ELOVL5: variants seen among roughly 807,000 people sequenced by gnomAD.
ELOVL5 encodes the protein ELOVL fatty acid elongase 5, also known as very long chain fatty acid elongase 5.
Under a neutral mutation model 38.6 loss-of-function variants are expected in ELOVL5, and 8 were observed. The observed-to-expected ratio is 0.21, with a 90% CI of 0.12 to 0.37. The LOEUF (loss-of-function observed/expected upper bound fraction) is 0.37. ELOVL5 is among the 10% of genes least tolerant of loss of function. The probability of loss-of-function intolerance (pLI) is 1.00; values close to 1 mark genes in which losing one functional copy is unlikely to be tolerated. For synonymous variants in ELOVL5, 127 were observed against 133.7 expected (o/e 0.95, Z 0.34); for missense variants, 280 against 367.8 (o/e 0.76, Z 1.95).
At chr6:53,306,070 G>A (rs1326086444) in intron 1 of ELOVL5, among the ~76,000 whole-genome samples, 1 of 151,190 alleles carries the variant, frequency 6.6e-6, no homozygotes, top group Admixed American at 6.6e-5. Context: ...CAGGCGTGGC[G>A]GCGCGCGCCT....
chr6:53,334,841 T>A (rs1004710686), intron 1 of ELOVL5, among the ~76,000 whole-genome samples: 3 of 152,042 alleles, frequency 2.0e-5, no homozygotes, highest in African/African-American at 7.2e-5. Context: ...CAGGGTGGAC[T>A]CCTCCCTCTG....
intron 1 of ELOVL5, among the ~76,000 whole-genome samples, chr6:53,309,113 A>T (rs1034588668): frequency 6.6e-6 from 1 of 152,254 alleles, no homozygotes; most frequent in South Asian, 2.1e-4. Flanking sequence ...TCAGTAGAGG[A>T]GATCCATAAC....
At chr6:53,298,925 C>A in intron 1 of ELOVL5, among the ~76,000 whole-genome samples, 1 of 147,478 alleles carries the variant, frequency 6.8e-6, no homozygotes, top group South Asian at 2.1e-4. Context: ...GATAATATAT[C>A]AGGAGAGGAA....
At chr6:53,337,941 T>A (rs772728450) in intron 1 of ELOVL5, among the ~76,000 whole-genome samples, 1 of 152,224 alleles carries the variant, frequency 6.6e-6, no homozygotes, top group African/African-American at 2.4e-5. Context: ...AACACAAGCA[T>A]TGCTTCCAGC....
intron 6 of ELOVL5, among the ~76,000 whole-genome samples, chr6:53,272,498 T>C (rs1456905794): frequency 2.0e-5 from 3 of 152,196 alleles, no homozygotes; most frequent in African/African-American, 4.8e-5. Flanking sequence ...GTACTTAGTA[T>C]GAGTACCCAA....
Position 53,270,631 on chromosome 6 carries a change from T to C in ELOVL5, c.718A>G (p.Ile240Val), listed in dbSNP as rs763728017. ...TTTGTGAAGAGAGCAATCAGGGAAA[T>C]CATGTATCCAATCTGGAAATACAAC... is the stretch of plus-strand genomic sequence containing the variant. ...GWLYFQIGYM[I>V]SLIALFTNFY... Residue 240 changes from isoleucine to valine, a missense_variant, in exon 7 of 8, where the codon ATT (isoleucine) becomes GTT (valine). This residue lies in a region of ELOVL5 where 125 missense variants were observed against 158.9 expected (regional missense o/e 0.79). Coordinates refer to ENST00000304434, the MANE Select transcript of ELOVL5 (RefSeq NM_021814.5). 1.1e-5 allele frequency: 18 copies of C among 1,614,028 alleles called. No homozygotes were observed. The Admixed American group carries it at 3.0e-4, about 27-fold the overall frequency.
intron 1 of ELOVL5, among the ~76,000 whole-genome samples, chr6:53,299,891 T>C (rs931814587): frequency 3.3e-5 from 5 of 152,174 alleles, no homozygotes; most frequent in African/African-American, 9.7e-5. Flanking sequence ...CTTTTCACAA[T>C]CAAACTTAGG....
chr6:53,307,448 A>G (rs945535846), intron 1 of ELOVL5, among the ~76,000 whole-genome samples: 5 of 152,256 alleles, frequency 3.3e-5, no homozygotes, highest in African/African-American at 1.2e-4. Flanking sequence ...AAATGCTTAG[A>G]ATAGTGTGTG....
chr6:53,347,529 G>GT (rs1561899258), intron 1 of ELOVL5, among the ~76,000 whole-genome samples: 1 of 152,162 alleles, frequency 6.6e-6, no homozygotes, highest in Non-Finnish European at 1.5e-5. Context: ...CTGCCAAGCG[G>GT]TTAGGAGAAT....
intron 1 of ELOVL5, among the ~76,000 whole-genome samples, chr6:53,338,016 T>G (rs747124724): frequency 1.3e-5 from 2 of 152,124 alleles, no homozygotes; most frequent in South Asian, 2.1e-4. Flanking sequence ...AGGGGAGGTA[T>G]GTGGGGCACC....
intron 1 of ELOVL5, among the ~76,000 whole-genome samples, chr6:53,348,589 G>GCCCGCA (rs904117045): frequency 1.3e-5 from 2 of 152,302 alleles, no homozygotes; most frequent in East Asian, 3.9e-4. Flanking sequence ...AGCCGCCCGC[G>GCCCGCA]CCCGCACCCG....
chr6:53,294,365 T>G (rs1218868242), intron 2 of ELOVL5: 9 of 1,568,774 alleles, frequency 5.7e-6, no homozygotes, highest in Non-Finnish European at 7.8e-6. Context: ...AACAACTTCT[T>G]TATGCTTAAA....
chr6:53,333,510 G>C (rs1296977159), intron 1 of ELOVL5, among the ~76,000 whole-genome samples: 1 of 152,158 alleles, frequency 6.6e-6, no homozygotes, highest in Non-Finnish European at 1.5e-5. Flanking sequence ...CTCCCTCTCT[G>C]TTTTAAATCG....
chr6:53,325,276 C>A (rs1436788650), intron 1 of ELOVL5, among the ~76,000 whole-genome samples: 2 of 152,208 alleles, frequency 1.3e-5, no homozygotes. Context: ...CAAAGAGAAT[C>A]ATGTATGATT....
rs570560897 is a variant in ELOVL5 at position 53,347,300 on chromosome 6, A to C, written c.-9+1517T>G. Among the ~76,000 whole-genome samples the C allele has an allele frequency of 3.4e-4, 52 of 152,346 alleles. 1 individual carries two copies. The highest frequency in any genetic ancestry group is 1.6e-3 in the Admixed American group (25 of 15,308). Reference sequence around the variant, plus strand: ...AGGGTAAAAATCTAAAAGGAAAATGAGTAACATTTCCCTTTCAAGTGCAGA... The same window carrying C: ...AGGGTAAAAATCTAAAAGGAAAATGCGTAACATTTCCCTTTCAAGTGCAGA... On this transcript the variant is annotated intron_variant, in intron 1 of 7. Transcript: ENST00000304434.
intron 1 of ELOVL5, among the ~76,000 whole-genome samples, chr6:53,298,347 C>T (rs904478635): frequency 1.3e-5 from 2 of 152,098 alleles, no homozygotes; most frequent in African/African-American, 4.8e-5. Flanking sequence ...CATTTTAAAA[C>T]CTAGATTCTA....
chr6:53,314,968 G>C (rs984597769), intron 1 of ELOVL5, among the ~76,000 whole-genome samples: 1 of 152,198 alleles, frequency 6.6e-6, no homozygotes, highest in African/African-American at 2.4e-5. Context: ...TTTCTCCAAT[G>C]ATTTTTTTCA....
intron 1 of ELOVL5, among the ~76,000 whole-genome samples, chr6:53,321,732 TCA>T (rs1768311413): frequency 6.6e-6 from 1 of 152,214 alleles, no homozygotes; most frequent in Admixed American, 6.5e-5. Flanking sequence ...TACTAGTATG[TCA>T]GAAATATAAA....
intron 3 of ELOVL5, among the ~76,000 whole-genome samples, chr6:53,288,985 A>T (rs1336327861): frequency 6.6e-6 from 1 of 152,142 alleles, no homozygotes; most frequent in Non-Finnish European, 1.5e-5. Context: ...AGATCAGTTG[A>T]GCCCAGGAGG....
Sources: allele counts gnomAD v4.1 joint callset (sites outside exome capture counted in the v4.1 genomes callset), GRCh38; gene constraint gnomAD v4.1.1; regional missense constraint gnomAD v4.1.1; transcripts MANE v1.5; gene names NCBI Gene and HGNC (gene_info 2026-07-23, HGNC 2026-07-21).